PRELID2: variants seen among roughly 807,000 people sequenced by gnomAD.
PRELID2 encodes PRELI domain-containing protein 2.
In PRELID2, 25 loss-of-function variants were observed where a neutral mutation model predicts 28.4. That is an observed-to-expected ratio of 0.88 (90% CI 0.64 to 1.23). PRELID2 has a LOEUF of 1.23. Ranked by LOEUF, PRELID2 falls within the 50% of genes most tolerant of loss-of-function variation. The pLI is 0.00. For missense variants in PRELID2, 201 were observed against 214.4 expected (o/e 0.94, Z 0.39); for synonymous variants, 76 against 71.6 (o/e 1.06, Z -0.31).
chr5:145,667,624 T>C (rs537751600), intron 1 of PRELID2, among the ~76,000 whole-genome samples: 2 of 152,204 alleles, frequency 1.3e-5, no homozygotes, highest in Admixed American at 6.6e-5. Context: ...CTATTTACTA[T>C]GTTGAATGCC....
intron 2 of PRELID2, among the ~76,000 whole-genome samples, chr5:145,472,441 A>C (rs1166587106): frequency 2.6e-5 from 4 of 152,192 alleles, no homozygotes; most frequent in African/African-American, 9.6e-5. Context: ...GGTATGTGAC[A>C]GAGCAGGACT....
At chr5:145,444,971 T>C in the PRELID2 span, among the ~76,000 whole-genome samples, 1 of 152,044 alleles carries the variant, frequency 6.6e-6, no homozygotes, top group African/African-American at 2.4e-5. Context: ...AATATATAGA[T>C]TCAGTACAAC....
intron 1 of PRELID2, among the ~76,000 whole-genome samples, chr5:145,598,368 G>A (rs368092595): frequency 6.6e-6 from 1 of 152,100 alleles, no homozygotes; most frequent in African/African-American, 2.4e-5. Context: ...TTGAGCAGAA[G>A]CATGACAAGA....
intron 1 of PRELID2, among the ~76,000 whole-genome samples, chr5:145,715,813 C>G (rs1325254352): frequency 1.3e-5 from 2 of 152,192 alleles, no homozygotes; most frequent in African/African-American, 2.4e-5. Context: ...GTTACTTCTG[C>G]AGAGAAGGCT....
At chr5:145,329,812 C>T in the PRELID2 span, among the ~76,000 whole-genome samples, 9 of 152,126 alleles carry the variant, frequency 5.9e-5, no homozygotes, top group African/African-American at 1.4e-4. Flanking sequence ...ACTTTCAATA[C>T]GATGTTGAAC....
the PRELID2 span, among the ~76,000 whole-genome samples, chr5:145,248,870 C>G: frequency 4.6e-5 from 7 of 152,124 alleles, no homozygotes; most frequent in Admixed American, 3.3e-4. Flanking sequence ...GGGAGCCAAA[C>G]TCACTGAAGC....
intron 1 of PRELID2, among the ~76,000 whole-genome samples, chr5:145,629,960 T>C (rs1753909096): frequency 6.6e-6 from 1 of 152,176 alleles, no homozygotes; most frequent in Non-Finnish European, 1.5e-5. Context: ...AGCAGGGTCC[T>C]AACTGTGAAG....
chr5:145,658,782 C>T (rs1275167470), intron 1 of PRELID2, among the ~76,000 whole-genome samples: 2 of 152,154 alleles, frequency 1.3e-5, no homozygotes, highest in Admixed American at 6.5e-5. Context: ...TACCCAGTCT[C>T]AGGCATTCCT....
the PRELID2 span, among the ~76,000 whole-genome samples, chr5:145,280,121 T>C: frequency 3.3e-5 from 5 of 152,158 alleles, no homozygotes; most frequent in Admixed American, 6.6e-5. Flanking sequence ...CTATCTTATT[T>C]TGGTGACAGA....
chr5:145,496,820 G>A (rs1480373909), intron 1 of PRELID2, among the ~76,000 whole-genome samples: 1 of 151,894 alleles, frequency 6.6e-6, no homozygotes, highest in African/African-American at 2.4e-5. Flanking sequence ...GCCTGTCTTG[G>A]TGTCTGCTTT....
At chr5:145,662,779 C>A (rs1754519117) in intron 1 of PRELID2, among the ~76,000 whole-genome samples, 2 of 152,024 alleles carry the variant, frequency 1.3e-5, no homozygotes, top group African/African-American at 4.8e-5. Flanking sequence ...GAGTCACCAC[C>A]AGCAAAAAGG....
intron 1 of PRELID2, among the ~76,000 whole-genome samples, chr5:145,500,949 G>A (rs1020142563): frequency 1.3e-5 from 2 of 152,120 alleles, no homozygotes; most frequent in Non-Finnish European, 2.9e-5. Context: ...GTGCCTGTCT[G>A]ATGATTTTAT....
At chr5:145,497,935 G>C (rs1175620186) in intron 1 of PRELID2, among the ~76,000 whole-genome samples, 1 of 152,158 alleles carries the variant, frequency 6.6e-6, no homozygotes, top group Non-Finnish European at 1.5e-5. Flanking sequence ...TAAAAGTTTT[G>C]GCCCTAGCCT....
the PRELID2 span, among the ~76,000 whole-genome samples, chr5:145,361,503 G>T: frequency 1.3e-5 from 2 of 152,174 alleles, no homozygotes; most frequent in Non-Finnish European, 2.9e-5. Flanking sequence ...TCCCTATTGA[G>T]AATGCATCCA....
intron 1 of PRELID2, among the ~76,000 whole-genome samples, chr5:145,634,073 G>A (rs895705271): frequency 2.0e-5 from 3 of 152,184 alleles, no homozygotes; most frequent in Non-Finnish European, 4.4e-5. Context: ...TCAGCAGGGT[G>A]AGGAGATAAT....
the PRELID2 span, among the ~76,000 whole-genome samples, chr5:145,325,427 A>G: frequency 2.7e-3 from 407 of 152,314 alleles, no homozygotes; most frequent in African/African-American, 9.4e-3. Context: ...AGGGAGGTAG[A>G]GAGAAAACAA....
Position 145,578,565 on chromosome 5 carries a change from A to T in PRELID2, n.71-105250T>A, listed in dbSNP as rs182583695. ...AGAAAAGAAGTAGTCTGTCCTGGGC[A>T]GTCCCTGCTGGAGAAAGCATTTTGG... On this transcript the variant is annotated intron_variant and non_coding_transcript_variant, in intron 1 of 2. Transcript: ENST00000510259. Among the ~76,000 whole-genome samples, 63 of 152,226 alleles carry T rather than the reference A, an allele frequency of 4.1e-4. No individual in the cohort carries two copies. The East Asian group carries it at 0.011, about 26-fold the overall frequency.
At chr5:145,437,173 A>G in the PRELID2 span, 1 of 152,188 alleles carries the variant, frequency 6.6e-6, no homozygotes, top group Non-Finnish European at 1.5e-5. Context: ...GGCTGTGTAG[A>G]GAGAGCAGCC....
the PRELID2 span, among the ~76,000 whole-genome samples, chr5:145,294,065 C>T: frequency 6.6e-6 from 1 of 152,110 alleles, no homozygotes; most frequent in South Asian, 2.1e-4. Flanking sequence ...ATTATGCATC[C>T]TTCTCTTTTA....
Sources: allele counts gnomAD v4.1 joint callset (sites outside exome capture counted in the v4.1 genomes callset), GRCh38; gene constraint gnomAD v4.1.1; transcripts MANE v1.5; gene names NCBI Gene and HGNC (gene_info 2026-07-23, HGNC 2026-07-21).